CCL5: variants seen among roughly 807,000 people sequenced by gnomAD.
CCL5 encodes C-C motif chemokine 5.
In CCL5, 5 loss-of-function variants were observed where a neutral mutation model predicts 9.0. The ratio of observed to expected loss-of-function variants is 0.55; its 90% CI spans 0.29 to 1.16. The LOEUF is 1.16. CCL5 is among the 50% of genes most tolerant of loss of function. CCL5 has a pLI of 0.08. For synonymous variants in CCL5, 66 were observed against 72.0 expected (o/e 0.92, Z 0.42); for missense variants, 183 against 183.2 (o/e 1.00, Z 0.01).
intron 2 of CCL5, among the ~76,000 whole-genome samples, chr17:35,876,652 C>T (rs1485782356): frequency 6.6e-6 from 1 of 152,216 alleles, no homozygotes. Context: ...ACAGTAGCCG[C>T]TAAACTGGAC....
Position 35,880,334 on chromosome 17 carries a change from C to T in CCL5, c.-29G>A, listed in dbSNP as rs769326470. The T allele has an allele frequency of 1.9e-6, 3 of 1,580,934 alleles. No individual in the cohort carries two copies. The highest frequency in any genetic ancestry group is 1.7e-5 in the Admixed American group (1 of 57,578). ...ACCTGTGGGAGAGGCTGTGCGAGGT[C>T]CACGTGCTGTCTTGATCCTCTGCAG... On this transcript the variant is annotated 5_prime_UTR_variant, in exon 1 of 4. Transcript: ENST00000651122.
At chr17:35,879,559 C>T (rs1309124558) in intron 1 of CCL5, among the ~76,000 whole-genome samples, 2 of 147,552 alleles carry the variant, frequency 1.4e-5, no homozygotes, top group African/African-American at 2.5e-5. Context: ...GGCATGAACC[C>T]GGGAGACGGA....
At chr17:35,878,282 CAAAAAAAAAA>C (rs4013866) in intron 2 of CCL5, among the ~76,000 whole-genome samples, 4 of 31,998 alleles carry the variant, frequency 1.3e-4, no homozygotes, top group Non-Finnish European at 2.4e-4. Context: ...GACTCTGTCT[CAAAAAAAAAA>C]AAAAAAAAAA....
chr17:35,873,747 T>C (rs1242731205), intron 3 of CCL5, among the ~76,000 whole-genome samples: 2 of 152,178 alleles, frequency 1.3e-5, no homozygotes, highest in Non-Finnish European at 2.9e-5. Flanking sequence ...TATGAATAAG[T>C]TTGGAAAAAT....
rs1251084008 is a variant in CCL5, at chr17:35,880,251, C to G, written c.55G>C (p.Ala19Pro). ...TTACATGGGGAGGCAGATGCAGGAGCGCAGAGGGCAGTAGCAATGAGGATG... is the reference window on the plus strand; with the variant it reads ...TTACATGGGGAGGCAGATGCAGGAGGGCAGAGGGCAGTAGCAATGAGGATG... Residue 19 changes from alanine to proline, a missense_variant, in exon 1 of 4, where the codon GCT (alanine) becomes CCT (proline). Ala to Pro is a conservative substitution (Grantham distance 27). Transcript: ENST00000651122. 3 of 1,613,776 alleles carry G rather than the reference C, an allele frequency of 1.9e-6. No homozygotes were observed. Among genetic ancestry groups the G allele is most frequent in the African/African-American group, 2.7e-5 (2 of 75,006 alleles).
rs796760673 is a variant in CCL5 at position 35,872,082 on chromosome 17, C to T, written c.*188G>A. Reference sequence around the variant, plus strand: ...GACTACAGGCGCCCGCTACCACGCCCGGCTAATTTTTTGTATTTTTAGTAG... The same window carrying T: ...GACTACAGGCGCCCGCTACCACGCCTGGCTAATTTTTTGTATTTTTAGTAG... On this transcript the variant is annotated 3_prime_UTR_variant, in exon 4 of 4. Coordinates refer to ENST00000651122, the MANE Select transcript of CCL5 (RefSeq NM_001278736.2). The T allele has an allele frequency of 4.8e-4, 96 of 201,338 alleles. No individual in the cohort carries two copies. The highest frequency in any genetic ancestry group is 2.0e-3 in the African/African-American group (86 of 43,112). 12.5% of individuals were successfully genotyped at this position (201,338 alleles called of 1,614,324 possible).
chr17:35,880,331 G>A lies in CCL5; in HGVS notation c.-26C>T, dbSNP rs1168580925. 1.9e-6 allele frequency: 3 copies of A among 1,588,610 alleles called. No individual in the cohort carries two copies. Among genetic ancestry groups the A allele is most frequent in the Admixed American group, 1.7e-5 (1 of 58,066 alleles). ...GGTACCTGTGGGAGAGGCTGTGCGA[G>A]GTCCACGTGCTGTCTTGATCCTCTG... On this transcript the variant is annotated 5_prime_UTR_variant, in exon 1 of 4. Transcript: ENST00000651122.
Position 35,880,301 on chromosome 17 carries a change from T to G in CCL5, c.5A>C (p.Lys2Thr). The G allele has an allele frequency of 6.2e-7, 1 of 1,611,862 alleles. No homozygotes were observed. Among genetic ancestry groups the G allele is most frequent in the Non-Finnish European group, 8.5e-7 (1 of 1,179,008 alleles). ...GACAGCGAGGGCTGCCGCGGAGACC[T>G]TCATGGTACCTGTGGGAGAGGCTGT... Residue 2 changes from lysine to threonine, a missense_variant, in exon 1 of 4, where the codon AAG (lysine) becomes ACG (threonine). Transcript: ENST00000651122.
At chr17:35,874,846 C>G (rs1327032802) in intron 3 of CCL5, among the ~76,000 whole-genome samples, 1 of 152,256 alleles carries the variant, frequency 6.6e-6, no homozygotes, top group South Asian at 2.1e-4. Flanking sequence ...CTCCTGACCT[C>G]AGATGACCAC....
chr17:35,872,629 A>G (rs1187109253), intron 3 of CCL5, among the ~76,000 whole-genome samples, 165 bp from the exon 3 acceptor site: 1 of 152,148 alleles, frequency 6.6e-6, no homozygotes, highest in East Asian at 1.9e-4. Flanking sequence ...AGGAGAGAAC[A>G]TTTCCTCATC....
At chr17:35,877,922 G>A (rs2088461317) in intron 2 of CCL5, among the ~76,000 whole-genome samples, 2 of 152,100 alleles carry the variant, frequency 1.3e-5, no homozygotes, top group Non-Finnish European at 2.9e-5. Flanking sequence ...TGAAGGGGAT[G>A]ACTGACTTGA....
chr17:35,878,351 G>A (rs920510110), intron 2 of CCL5, among the ~76,000 whole-genome samples, 177 bp downstream of exon 2: 10 of 148,006 alleles, frequency 6.8e-5, no homozygotes, highest in African/African-American at 1.7e-4. Flanking sequence ...GAGTGGGCAC[G>A]ATTCTCTAAG....
intron 2 of CCL5, among the ~76,000 whole-genome samples, chr17:35,876,523 C>T (rs1202518651): frequency 6.6e-6 from 1 of 152,192 alleles, no homozygotes; most frequent in Non-Finnish European, 1.5e-5. Flanking sequence ...GCTCAAATCA[C>T]CTGCTAGGGC....
intron 3 of CCL5, among the ~76,000 whole-genome samples, 154 bp from the exon 3 acceptor site, chr17:35,872,618 A>T (rs1165697920): frequency 6.6e-6 from 1 of 152,172 alleles, no homozygotes; most frequent in African/African-American, 2.4e-5. Flanking sequence ...TGTGGCTTTT[A>T]AGGAGAGAAC....
intron 2 of CCL5, among the ~76,000 whole-genome samples, chr17:35,877,548 C>T (rs930450515): frequency 6.6e-6 from 1 of 152,206 alleles, no homozygotes; most frequent in African/African-American, 2.4e-5. Context: ...ATTTACTGTG[C>T]AGCCTTGGCT....
intron 1 of CCL5, among the ~76,000 whole-genome samples, chr17:35,880,025 C>A (rs1016253445): frequency 6.6e-6 from 1 of 152,156 alleles, no homozygotes; most frequent in Non-Finnish European, 1.5e-5. Context: ...ATCAGGAGAT[C>A]CCTGCCATGA....
Position 35,872,445 on chromosome 17 carries a change from G to T in CCL5, c.290C>A (p.Pro97Gln). The T allele has an allele frequency of 1.2e-6, 2 of 1,614,042 alleles. No individual in the cohort carries two copies. Among genetic ancestry groups the T allele is most frequent in the Non-Finnish European group, 1.7e-6 (2 of 1,180,004 alleles). Residue 97 changes from proline (P) to glutamine (Q), a missense_variant, in exon 4 of 4, where the codon CCG becomes CAG. By Grantham distance (76) the Pro-to-Gln change is moderately conservative (BLOSUM62 -1). Coordinates refer to ENST00000651122, the MANE Select transcript of CCL5 (RefSeq NM_001278736.2). The stretch of plus-strand genomic sequence containing the variant: ...TTCTCTGGGTTGGCACACACTTGGC[G>T]GTTCTTTCGGGTGACAAAGCTGTGG...
At chr17:35,879,382 CCCAGCA>C (rs1168856640) in intron 1 of CCL5, among the ~76,000 whole-genome samples, 3 of 152,280 alleles carry the variant, frequency 2.0e-5, no homozygotes, top group Admixed American at 6.5e-5. Context: ...CGCCTGTAAT[CCCAGCA>C]CTTTGGGAGG....
rs115209184 is a variant in CCL5 at position 35,875,364 on chromosome 17, G to A, written c.270+197C>T. ...TTCAGACAAAGTGAAGCCTTAGATTGTCTGGTGAGAATGAGGATTTCTTGG... is the reference window on the plus strand; with the variant it reads ...TTCAGACAAAGTGAAGCCTTAGATTATCTGGTGAGAATGAGGATTTCTTGG... On this transcript the variant is annotated intron_variant, in intron 3 of 3. Coordinates refer to ENST00000651122, the MANE Select transcript of CCL5 (RefSeq NM_001278736.2). Among the ~76,000 whole-genome samples the A allele has an allele frequency of 3.8e-3, 572 of 152,266 alleles. 3 individuals carry two copies. The highest frequency in any genetic ancestry group is 0.013 in the African/African-American group (533 of 41,534).
Sources: allele counts gnomAD v4.1 joint callset (sites outside exome capture counted in the v4.1 genomes callset), GRCh38; gene constraint gnomAD v4.1.1; transcripts MANE v1.5; gene names NCBI Gene and HGNC (gene_info 2026-07-23, HGNC 2026-07-21).